PCDHA4: variants seen among roughly 807,000 people sequenced by gnomAD.
PCDHA4 encodes the protein protocadherin alpha 4.
A neutral mutation model predicts 61.4 loss-of-function variants in PCDHA4; 49 were observed. That is an observed-to-expected ratio of 0.80 (90% CI 0.63 to 1.01). The LOEUF is 1.01. Ranked by LOEUF, PCDHA4 falls within the 50% of genes least tolerant of loss-of-function variation. The probability of loss-of-function intolerance (pLI) is 0.00; values close to 1 mark genes in which losing one functional copy is unlikely to be tolerated. For synonymous variants in PCDHA4, 590 were observed against 550.3 expected, an observed-to-expected ratio of 1.07 and a Z score of -1.01; for missense variants, 1,254 against 1,235.8, an observed-to-expected ratio of 1.01 and a Z score of -0.22.
chr5:140,970,026 T>A (rs2153783055), intron 1 of PCDHA4, among the ~76,000 whole-genome samples: 1 of 152,304 alleles, frequency 6.6e-6, no homozygotes, highest in Non-Finnish European at 1.5e-5. Context: ...GGCAGAGAGA[T>A]TAAGTACCAA....
intron 1 of PCDHA4, among the ~76,000 whole-genome samples, chr5:140,921,352 T>C (rs889434892): frequency 6.6e-6 from 1 of 152,190 alleles, no homozygotes; most frequent in Non-Finnish European, 1.5e-5. Context: ...TATATTTGCC[T>C]ATATTCAAGT....
intron 1 of PCDHA4, chr5:140,830,444 A>G (rs1204273362): frequency 1.2e-6 from 2 of 1,603,464 alleles, no homozygotes; most frequent in African/African-American, 2.7e-5. Flanking sequence ...TATGATGGGT[A>G]AGGCGGAGAA....
At chr5:140,945,790 T>C (rs1340396620) in intron 1 of PCDHA4, among the ~76,000 whole-genome samples, 2 of 152,010 alleles carry the variant, frequency 1.3e-5, no homozygotes, top group South Asian at 2.1e-4. Context: ...TGCAGAAAAA[T>C]GAAACTAGAC....
intron 1 of PCDHA4, among the ~76,000 whole-genome samples, chr5:140,817,982 T>A (rs1766250865): frequency 1.3e-5 from 2 of 152,232 alleles, no homozygotes; most frequent in South Asian, 2.1e-4. Context: ...GTCTAGCTAC[T>A]TTGTATACTT....
At chr5:141,007,677 T>C (rs2098339934) in intron 3 of PCDHA4, among the ~76,000 whole-genome samples, 1 of 152,158 alleles carries the variant, frequency 6.6e-6, no homozygotes, top group South Asian at 2.1e-4. Flanking sequence ...AGACAAAAGT[T>C]ATCCTACTTC....
chr5:140,968,077 C>A lies in PCDHA4; in HGVS notation c.2386-10872C>A, dbSNP rs1274008262. 2.5e-6 allele frequency: 4 copies of A among 1,614,020 alleles called. No homozygotes were observed. In the African/African-American group the frequency reaches 4.0e-5, roughly 16 times the overall value. On this transcript the variant is annotated intron_variant, in intron 1 of 3. Coordinates refer to ENST00000530339, the MANE Select transcript of PCDHA4 (RefSeq NM_018907.4). ...GAGAGCGGGTGGCTGTCTACAACAT[C>A]ACGGTGACAGCCACAGATGGGGGAA...
intron 1 of PCDHA4, chr5:140,928,010 G>A: frequency 1.2e-6 from 2 of 1,614,168 alleles, no homozygotes; most frequent in Non-Finnish European, 1.7e-6. Context: ...GATTCTAATG[G>A]TAGGGTCATT....
intron 1 of PCDHA4, chr5:140,877,311 G>T: frequency 6.2e-7 from 1 of 1,613,970 alleles, no homozygotes. Flanking sequence ...AGTTGCAACC[G>T]GCGGCGGTCG....
intron 1 of PCDHA4, chr5:140,849,385 C>T: frequency 1.3e-6 from 2 of 1,527,726 alleles, no homozygotes; most frequent in South Asian, 2.3e-5. Context: ...CACATGGACC[C>T]CTTAAGTGGG....
Position 140,838,464 on chromosome 5 carries a change from C to T in PCDHA4, c.2385+28892C>T, listed in dbSNP as rs2150289742. Among the ~76,000 whole-genome samples the T allele has an allele frequency of 1.1e-4, 16 of 151,566 alleles. 1 individual carries two copies. In the South Asian group the frequency reaches 2.5e-3, roughly 24 times the overall value. ...GTTTTGTGGCATATTATTTCATTAG[C>T]GCTTATTCCTTGTTTTTGATTATTT... is the stretch of plus-strand genomic sequence containing the variant. On this transcript the variant is annotated intron_variant, in intron 1 of 3. Coordinates refer to ENST00000530339, the MANE Select transcript of PCDHA4 (RefSeq NM_018907.4).
chr5:140,963,454 T>G (rs1299471186), intron 1 of PCDHA4, among the ~76,000 whole-genome samples: 2 of 152,242 alleles, frequency 1.3e-5, no homozygotes, highest in African/African-American at 4.8e-5. Context: ...TGCTAAAGTA[T>G]TTCTGTGTTT....
chr5:140,845,808 A>C (rs1780048238), intron 1 of PCDHA4, among the ~76,000 whole-genome samples: 1 of 149,776 alleles, frequency 6.7e-6, no homozygotes, highest in Non-Finnish European at 1.5e-5. Context: ...AGTGATAGGT[A>C]CATAATAAAA....
chr5:140,929,995 C>A (rs543771321), intron 1 of PCDHA4: 1 of 152,108 alleles, frequency 6.6e-6, no homozygotes, highest in Admixed American at 6.5e-5. Context: ...GGAATGACAC[C>A]CTAAAACATA....
At chr5:140,983,437 A>C (rs1046174445) in intron 3 of PCDHA4, among the ~76,000 whole-genome samples, 1 of 152,202 alleles carries the variant, frequency 6.6e-6, no homozygotes, top group African/African-American at 2.4e-5. Flanking sequence ...AATTGTGTCT[A>C]CTCTAATCCT....
At chr5:140,813,295 A>T (rs1554126164) in intron 1 of PCDHA4, 1 of 152,192 alleles carries the variant, frequency 6.6e-6, no homozygotes, top group African/African-American at 2.4e-5. Flanking sequence ...TCATTCTGAG[A>T]TTTCATCACT....
rs143182337 is a variant in PCDHA4 at position 140,938,958 on chromosome 5, G to A, written c.2386-39991G>A. On this transcript the variant is annotated intron_variant, in intron 1 of 3. Coordinates refer to ENST00000530339, the MANE Select transcript of PCDHA4 (RefSeq NM_018907.4). ...TTTCCATTCTTATAATGCTCTAGTC[G>A]GAGTTTGGCATCAAGGCTATCCTGG... 3.2e-3 allele frequency among the ~76,000 whole-genome samples: 486 copies of A among 152,204 alleles called. 2 individuals carry two copies. Among genetic ancestry groups the A allele is most frequent in the Middle Eastern group, 0.014 (4 of 294 alleles).
chr5:140,843,685 G>T (rs2150365041), intron 1 of PCDHA4: 1 of 1,589,062 alleles, frequency 6.3e-7, no homozygotes, highest in Non-Finnish European at 8.6e-7. Flanking sequence ...TAGGCGAAGA[G>T]CAAGATTTAA....
intron 1 of PCDHA4, among the ~76,000 whole-genome samples, chr5:140,960,614 G>A (rs1167351854): frequency 3.3e-5 from 5 of 152,130 alleles, no homozygotes; most frequent in African/African-American, 1.2e-4. Context: ...AATATCTAGT[G>A]TGTTTTTGAA....
chr5:140,841,713 C>T, intron 1 of PCDHA4: 1 of 1,613,888 alleles, frequency 6.2e-7, no homozygotes, highest in Non-Finnish European at 8.5e-7. Context: ...GACAACCCGC[C>T]AGTGTTCCGG....
Sources: gnomAD v4.1 joint callset for allele counts (sites outside exome capture counted in the v4.1 genomes callset) on GRCh38, gnomAD v4.1.1 for gene constraint, MANE v1.5 for transcripts, NCBI Gene and HGNC (gene_info 2026-07-23, HGNC 2026-07-21) for gene names.